The following BTG4 variants were observed in gnomAD, a reference collection of about 807,000 sequenced individuals.
The protein encoded by BTG4 is BTG anti-proliferation factor 4, also known as protein BTG4.
In BTG4, 10 loss-of-function variants were observed where a neutral mutation model predicts 19.3. The ratio of observed to expected loss-of-function variants is 0.52; its 90% confidence interval spans 0.32 to 0.88. The LOEUF is 0.88. Among genes scored for constraint, BTG4 ranks in the 40% least tolerant of loss-of-function variants. The probability of loss-of-function intolerance (pLI) is 0.04; values close to 1 mark genes in which losing one functional copy is unlikely to be tolerated. For synonymous variants in BTG4, 91 were observed against 95.7 expected (o/e 0.95, Z 0.29); for missense variants, 238 against 281.9 (o/e 0.84, Z 1.11).
the BTG4 span, among the ~76,000 whole-genome samples, chr11:111,426,038 G>GA: frequency 2.0e-5 from 3 of 151,756 alleles, no homozygotes; most frequent in African/African-American, 7.2e-5. Flanking sequence ...CTCAAAGAAA[G>GA]AAAAAAAAGG....
chr11:111,397,831 G>C, the BTG4 span: 4 of 152,118 alleles, frequency 2.6e-5, no homozygotes, highest in Non-Finnish European at 5.9e-5. Context: ...CTTATTTACG[G>C]TGTTTTCAGG....
chr11:111,437,291 T>C, the BTG4 span, among the ~76,000 whole-genome samples: 7 of 152,078 alleles, frequency 4.6e-5, no homozygotes, highest in African/African-American at 1.7e-4. Flanking sequence ...TGTATTGATC[T>C]GTGGAATGGA....
chr11:111,500,728 A>G (rs1052906108), intron 1 of BTG4, among the ~76,000 whole-genome samples: 2 of 151,578 alleles, frequency 1.3e-5, no homozygotes, highest in African/African-American at 4.8e-5. Flanking sequence ...CTCCACCCCT[A>G]AAGACTAGCA....
At chr11:111,435,787 T>C in the BTG4 span, among the ~76,000 whole-genome samples, 2 of 152,124 alleles carry the variant, frequency 1.3e-5, no homozygotes, top group South Asian at 4.2e-4. Context: ...AGTGTTACCA[T>C]GCAATCAAAC....
At chr11:111,451,131 A>G in the BTG4 span, 37 of 231,646 alleles carry the variant, frequency 1.6e-4, no homozygotes, top group South Asian at 2.0e-3. Flanking sequence ...CCAGAGTATG[A>G]CCTGTGAGTG....
chr11:111,501,793 T>A (rs1866100059), intron 1 of BTG4, among the ~76,000 whole-genome samples: 1 of 152,210 alleles, frequency 6.6e-6, no homozygotes, highest in African/African-American at 2.4e-5. Context: ...TACATACAAC[T>A]ATTATATATC....
chr11:111,430,197 G>A, the BTG4 span, among the ~76,000 whole-genome samples: 1 of 152,176 alleles, frequency 6.6e-6, no homozygotes, highest in Non-Finnish European at 1.5e-5. Context: ...AAGGTTGCCA[G>A]GGTACAGCTT....
chr11:111,396,473 G>A, the BTG4 span, among the ~76,000 whole-genome samples: 9 of 152,166 alleles, frequency 5.9e-5, no homozygotes, highest in African/African-American at 1.2e-4. Context: ...CACTAATTAC[G>A]ATGGGAACAT....
chr11:111,435,709 C>T, the BTG4 span, among the ~76,000 whole-genome samples: 2 of 152,170 alleles, frequency 1.3e-5, no homozygotes, highest in Non-Finnish European at 2.9e-5. Flanking sequence ...CCAAGGGGAG[C>T]AGAGATGTTG....
chr11:111,498,596 G>A lies in BTG4; in HGVS notation c.173+8C>T. 1 of 1,609,464 alleles carries A rather than the reference G, an allele frequency of 6.2e-7. No individual in the cohort carries two copies. Among genetic ancestry groups the A allele is most frequent in the African/African-American group, 1.3e-5 (1 of 74,754 alleles). On this transcript the variant is annotated splice_region_variant and intron_variant, in intron 2 of 4. Coordinates refer to ENST00000692032, the MANE Select transcript of BTG4 (RefSeq NM_001367975.1). ...CTTCCCTTTGCCATCCCACATACTA[G>A]CTCTCACCTGAAGGCTTGCCCTTTA...
chr11:111,416,672 G>A, the BTG4 span: 2 of 152,112 alleles, frequency 1.3e-5, no homozygotes, highest in Non-Finnish European at 2.9e-5. Flanking sequence ...TGAGGCTGGA[G>A]CCCCTGCATT....
Position 111,498,649 on chromosome 11 carries a change from CT to C in BTG4, c.127del (p.Arg43GlufsTer20), listed in dbSNP as rs754208475. 44 of 1,613,808 alleles carry C rather than the reference CT, an allele frequency of 2.7e-5. No individual in the cohort carries two copies. The highest frequency in any genetic ancestry group is 3.6e-5 in the Non-Finnish European group (42 of 1,179,970). On this transcript the variant is annotated frameshift_variant, in exon 2 of 5. Coordinates refer to ENST00000692032, the MANE Select transcript of BTG4 (RefSeq NM_001367975.1). LOFTEE classifies it high-confidence loss of function. ...KLMTILFETY[R>X]SHWHSDCPSK... ...AGGGCAATCAGAGTGCCAGTGACTTCTGTATGTTTCAAACAAGATCGTCATC... is the reference window on the plus strand; with the variant it reads ...AGGGCAATCAGAGTGCCAGTGACTTCGTATGTTTCAAACAAGATCGTCATC...
At chr11:111,385,187 T>C in the BTG4 span, 1 of 152,200 alleles carries the variant, frequency 6.6e-6, no homozygotes, top group Non-Finnish European at 1.5e-5. Context: ...CTTTTAATGT[T>C]TCAAAGTTTA....
At chr11:111,455,313 G>A in the BTG4 span, 2 of 312,092 alleles carry the variant, frequency 6.4e-6, no homozygotes, top group South Asian at 2.8e-5. Flanking sequence ...GGTGAGTGGG[G>A]TGTCCCCGAG....
chr11:111,512,917 A>G, upstream of BTG4: 1 of 443,856 alleles, frequency 2.3e-6, no homozygotes. Context: ...ACCGTCCGGG[A>G]GCTGCAGCCG....
At chr11:111,436,937 C>G in the BTG4 span, among the ~76,000 whole-genome samples, 1 of 152,232 alleles carries the variant, frequency 6.6e-6, no homozygotes, top group Non-Finnish European at 1.5e-5. Context: ...CCCGCCCCAC[C>G]ATCACCCTGC....
chr11:111,385,945 C>G, the BTG4 span: 1 of 152,180 alleles, frequency 6.6e-6, no homozygotes, highest in Non-Finnish European at 1.5e-5. Context: ...GGGAGGATCG[C>G]TTGAGCCCAA....
Position 111,495,219 on chromosome 11 carries a change from G to T in BTG4, c.606C>A (p.Tyr202Ter). 1.2e-6 allele frequency: 2 copies of T among 1,612,868 alleles called. No homozygotes were observed. The highest frequency in any genetic ancestry group is 1.3e-5 in the African/African-American group (1 of 74,966). The change falls in exon 5 of 5, where the codon TAC (tyrosine) becomes TAA (stop). Residue 202 changes from tyrosine (Y) to a stop codon, truncating the protein, a stop_gained. Coordinates refer to ENST00000692032, the MANE Select transcript of BTG4 (RefSeq NM_001367975.1). LOFTEE classifies it low-confidence loss of function (END_TRUNC). ...DGRVGLLGNT[Y>*]HGSQKHPKCY... ...ACTTAGGATGCTTCTGCGAGCCATG[G>T]TAAGTGTTTCCCAGGAGGCCAACAC...
the BTG4 span, chr11:111,386,288 T>C: frequency 6.6e-6 from 1 of 152,238 alleles, no homozygotes; most frequent in African/African-American, 2.4e-5. Flanking sequence ...TTCCAGGCTT[T>C]AGGGCTATAA....
Sources: gnomAD v4.1 joint callset for allele counts (sites outside exome capture counted in the v4.1 genomes callset) on GRCh38, gnomAD v4.1.1 for gene constraint, MANE v1.5 for transcripts, NCBI Gene and HGNC (gene_info 2026-07-23, HGNC 2026-07-21) for gene names.